Variants in MED13L observed in about 807,000 individuals in gnomAD.
MED13L encodes the protein mediator of RNA polymerase II transcription subunit 13-like.
In MED13L, 7 loss-of-function variants were observed where a neutral mutation model predicts 220.9. That is an observed-to-expected ratio of 0.03 (90% CI 0.02 to 0.06). The LOEUF is 0.06. MED13L is among the 10% of genes least tolerant of loss of function. The pLI is 1.00. For synonymous variants in MED13L, 1,011 were observed against 1,015.2 expected, an observed-to-expected ratio of 1.00 and a Z score of 0.08; for missense variants, 1,965 against 2,760.5, an observed-to-expected ratio of 0.71 and a Z score of 6.46.
intron 2 of MED13L, among the ~76,000 whole-genome samples, chr12:116,198,355 A>T (rs1403277137): frequency 6.6e-6 from 1 of 152,096 alleles, no homozygotes; most frequent in Admixed American, 6.6e-5. Flanking sequence ...CTTTAAAAAA[A>T]ATTTTTTTTC....
intron 23 of MED13L, among the ~76,000 whole-genome samples, chr12:115,978,814 T>A (rs2137256891): frequency 6.6e-6 from 1 of 152,330 alleles, no homozygotes; most frequent in South Asian, 2.1e-4. Flanking sequence ...ATTCCCAAAC[T>A]GTGTTCTGAG....
intron 2 of MED13L, among the ~76,000 whole-genome samples, chr12:116,113,406 G>A (rs1874247220): frequency 6.6e-6 from 1 of 151,176 alleles, no homozygotes; most frequent in African/African-American, 2.4e-5. Flanking sequence ...CAAGGCCGAG[G>A]CAGAAGGATT....
At position 116,033,760 on chromosome 12, in the gene MED13L, GTGTA is replaced by G. The variant is rs1285529294; in HGVS notation, c.480-11163_480-11160del. Reference sequence around the variant, plus strand: ...GTATGAATCATGAGTGTGTGTGTGTGTGTATGTGTGTACATATATTCCTTTTATA... The same window carrying G: ...GTATGAATCATGAGTGTGTGTGTGTGTGTGTGTACATATATTCCTTTTATA... On this transcript the variant is annotated intron_variant, in intron 4 of 30. Transcript: ENST00000281928. 1.6e-4 allele frequency among the ~76,000 whole-genome samples: 25 copies of G among 152,238 alleles called. No individual in the cohort carries two copies. The South Asian group carries it at 2.9e-3, about 18-fold the overall frequency.
intron 23 of MED13L, among the ~76,000 whole-genome samples, chr12:115,980,125 C>T (rs970024448): frequency 3.3e-5 from 5 of 151,960 alleles, no homozygotes; most frequent in African/African-American, 1.2e-4. Flanking sequence ...GATTTCTGAT[C>T]TAAGACACAG....
At chr12:116,032,160 T>A (rs988170934) in intron 4 of MED13L, among the ~76,000 whole-genome samples, 1 of 152,200 alleles carries the variant, frequency 6.6e-6, no homozygotes, top group African/African-American at 2.4e-5. Flanking sequence ...GTATCATATA[T>A]TCCTGGATAT....
In MED13L at chr12:116,007,551, G is replaced by T. The variant is rs751837959; in HGVS notation, c.2098C>A (p.Pro700Thr). Residue 700 changes from proline (P) to threonine (T), a missense_variant, in exon 11 of 31, where the codon CCT (proline) becomes ACT (threonine). By Grantham distance (38) the Pro-to-Thr change is conservative (BLOSUM62 -1). Transcript: ENST00000281928. ...LQPLHFLDPL[P>T]LSQQPGDSLG... ...CTGTCTCCAGGTTGTTGTGATAGAG[G>T]CAATGGGTCAAGGAAGTGGAGTGGC... 6.2e-7 allele frequency: 1 copy of T among 1,612,436 alleles called. No individual in the cohort carries two copies. Among genetic ancestry groups the T allele is most frequent in the African/African-American group, 1.3e-5 (1 of 74,466 alleles).
intron 1 of MED13L, among the ~76,000 whole-genome samples, chr12:116,265,001 CAGAT>C (rs773009481): frequency 1.3e-5 from 2 of 152,172 alleles, no homozygotes; most frequent in African/African-American, 2.4e-5. Context: ...GACAGACAGA[CAGAT>C]AGAACTGAAA....
intron 26 of MED13L, among the ~76,000 whole-genome samples, chr12:115,971,258 T>C (rs1222283725): frequency 6.6e-6 from 1 of 152,144 alleles, no homozygotes; most frequent in Non-Finnish European, 1.5e-5. Context: ...GGAACTATGA[T>C]CCCCATTTAT....
chr12:116,148,626 TATATAC>T (rs1565900718), intron 2 of MED13L: 4 of 196,704 alleles, frequency 2.0e-5, no homozygotes, highest in South Asian at 1.5e-4. Flanking sequence ...TATATATATA[TATATAC>T]GGAGCTAGAT....
At chr12:116,078,382 T>A (rs1565866070) in intron 4 of MED13L, among the ~76,000 whole-genome samples, 3 of 152,194 alleles carry the variant, frequency 2.0e-5, no homozygotes, top group African/African-American at 7.2e-5. Flanking sequence ...CATATAATTA[T>A]AAACATTAAC....
At chr12:116,219,197 T>C (rs910221223) in intron 2 of MED13L, among the ~76,000 whole-genome samples, 1 of 152,184 alleles carries the variant, frequency 6.6e-6, no homozygotes, top group East Asian at 1.9e-4. Context: ...ACTGGACTTA[T>C]TCTTAACTTA....
At chr12:116,156,211 T>C (rs1230518356) in intron 2 of MED13L, among the ~76,000 whole-genome samples, 1 of 151,918 alleles carries the variant, frequency 6.6e-6, no homozygotes, top group Non-Finnish European at 1.5e-5. Flanking sequence ...ATTTTTGCAG[T>C]AGTATAAATA....
At chr12:116,234,016 T>G (rs1372688945) in intron 2 of MED13L, among the ~76,000 whole-genome samples, 1 of 152,206 alleles carries the variant, frequency 6.6e-6, no homozygotes, top group African/African-American at 2.4e-5. Context: ...TTTATACATT[T>G]AAATGCAAGA....
intron 16 of MED13L, among the ~76,000 whole-genome samples, chr12:115,995,510 G>A (rs867831427): frequency 7.2e-5 from 11 of 152,068 alleles, no homozygotes; most frequent in Middle Eastern, 6.8e-3. Flanking sequence ...TGCAACCTCC[G>A]CCTCGTGAGT....
At chr12:116,124,188 CAG>C (rs1593071760) in intron 2 of MED13L, among the ~76,000 whole-genome samples, 1 of 141,480 alleles carries the variant, frequency 7.1e-6, no homozygotes, top group Admixed American at 6.9e-5. Context: ...CAGAGAGAGA[CAG>C]AGACTGACTG....
At chr12:116,059,577 C>T (rs1869271872) in intron 4 of MED13L, among the ~76,000 whole-genome samples, 1 of 151,866 alleles carries the variant, frequency 6.6e-6, no homozygotes, top group Non-Finnish European at 1.5e-5. Flanking sequence ...GCCACCATGC[C>T]CAGCTAATTT....
chr12:116,083,284 A>G (rs1474790862), intron 4 of MED13L, among the ~76,000 whole-genome samples: 1 of 151,780 alleles, frequency 6.6e-6, no homozygotes, highest in Non-Finnish European at 1.5e-5. Context: ...CATGCCTATA[A>G]TCCCAGCTAC....
intron 23 of MED13L, among the ~76,000 whole-genome samples, chr12:115,977,449 C>T (rs1465718999): frequency 6.6e-6 from 1 of 152,186 alleles, no homozygotes; most frequent in Non-Finnish European, 1.5e-5. Context: ...AAACTGCACT[C>T]TTAGGTATTT....
intron 4 of MED13L, among the ~76,000 whole-genome samples, chr12:116,054,868 G>C (rs1868819366): frequency 6.6e-6 from 1 of 152,104 alleles, no homozygotes; most frequent in Non-Finnish European, 1.5e-5. Context: ...ATACCCAATA[G>C]AAAATATGTG....
Sources: allele counts gnomAD v4.1 joint callset (sites outside exome capture counted in the v4.1 genomes callset), GRCh38; gene constraint gnomAD v4.1.1; transcripts MANE v1.5; gene names NCBI Gene and HGNC (gene_info 2026-07-23, HGNC 2026-07-21).